NUP210L: variants seen among roughly 807,000 people sequenced by gnomAD.
NUP210L encodes the protein nucleoporin 210 like.
In NUP210L, 74 loss-of-function variants were observed where a neutral mutation model predicts 208.5. The observed-to-expected ratio is 0.35, with a 90% CI of 0.29 to 0.43. The LOEUF (loss-of-function observed/expected upper bound fraction) is 0.43. Among genes scored for constraint, NUP210L ranks in the 20% least tolerant of loss-of-function variants. NUP210L has a pLI of 1.00. For missense variants in NUP210L, 1,843 were observed against 2,289.4 expected (o/e 0.81, Z 3.98); for synonymous variants, 780 against 816.9 (o/e 0.95, Z 0.77).
At chr1:154,022,884 C>T (rs1325866629) in intron 31 of NUP210L, among the ~76,000 whole-genome samples, 1 of 151,486 alleles carries the variant, frequency 6.6e-6, no homozygotes, top group African/African-American at 2.4e-5. Context: ...ACCATGTTGT[C>T]CAGGCTGGTC....
chr1:154,120,299 A>G (rs991586362), intron 10 of NUP210L, among the ~76,000 whole-genome samples: 3 of 152,100 alleles, frequency 2.0e-5, no homozygotes, highest in African/African-American at 4.8e-5. Context: ...ATGCAGCCAT[A>G]AAAAAGGGTG....
At chr1:154,018,953 C>T in exon 33 of NUP210L, 1 of 1,614,130 alleles carries the variant, frequency 6.2e-7, no homozygotes, top group East Asian at 2.2e-5. Flanking sequence ...GTTTTCACTA[C>T]TCCTGGGATG....
intron 23 of NUP210L, among the ~76,000 whole-genome samples, chr1:154,055,193 C>CTTTCTT (rs1653795860): frequency 4.7e-5 from 5 of 105,914 alleles, no homozygotes; most frequent in Admixed American, 3.4e-4. Context: ...CTTTCTTTTT[C>CTTTCTT]TTTCTTTCTT....
intron 35 of NUP210L, among the ~76,000 whole-genome samples, chr1:154,007,093 G>A (rs970840386): frequency 2.0e-4 from 30 of 148,258 alleles, no homozygotes; most frequent in African/African-American, 7.2e-4. Context: ...CTCCCAAATA[G>A]CTGGGATTAC....
intron 32 of NUP210L, among the ~76,000 whole-genome samples, 175 bp downstream of exon 32, chr1:154,021,951 T>C (rs1408093530): frequency 6.6e-6 from 1 of 152,222 alleles, no homozygotes; most frequent in Non-Finnish European, 1.5e-5. Context: ...TTAATTGCTT[T>C]CTTGAACTTC....
At chr1:154,065,326 AG>A (rs1489170000) in intron 17 of NUP210L, among the ~76,000 whole-genome samples, 1 of 151,804 alleles carries the variant, frequency 6.6e-6, no homozygotes, top group Non-Finnish European at 1.5e-5. Flanking sequence ...CGGCTGAGGC[AG>A]GAGGATCACT....
chr1:154,054,137 G>T, intron 25 of NUP210L, 91 bp downstream of exon 25: 2 of 1,347,330 alleles, frequency 1.5e-6, no homozygotes, highest in Non-Finnish European at 2.1e-6. Flanking sequence ...CTGGGCTGCT[G>T]ACACCCTCCT....
chr1:154,023,271 C>T (rs1359252250), exon 31 of NUP210L: 3 of 1,611,340 alleles, frequency 1.9e-6, no homozygotes, highest in Non-Finnish European at 2.5e-6. Flanking sequence ...GTTGGCTGCT[C>T]ACTCGCAGGT....
intron 25 of NUP210L, among the ~76,000 whole-genome samples, chr1:154,049,545 G>A (rs1653373176): frequency 6.6e-6 from 1 of 152,162 alleles, no homozygotes; most frequent in Non-Finnish European, 1.5e-5. Flanking sequence ...ATAGAACAAT[G>A]GCCGTTAAGT....
At position 154,119,419 on chromosome 1, in the gene NUP210L, C is replaced by G. The variant is rs145919730; in HGVS notation, c.1327-611G>C. On this transcript the variant is annotated intron_variant, in intron 10 of 39. Transcript: ENST00000368559. ...CCTGGCCAACATGGTGAAACCCCAT[C>G]TCTACTAAAAATACAAAAAATCAGC... Among the ~76,000 whole-genome samples the G allele has an allele frequency of 7.5e-4, 114 of 152,134 alleles. 1 individual carries two copies. The highest frequency in any genetic ancestry group is 2.6e-3 in the African/African-American group (110 of 41,530).
rs558343293 is a variant in NUP210L at position 154,095,252 on chromosome 1, G to A, written c.1966-96C>T. The A allele has an allele frequency of 2.5e-5, 23 of 908,924 alleles. No individual in the cohort carries two copies. In the African/African-American group the frequency reaches 2.8e-4, roughly 11 times the overall value. The allele number at this position is 908,924 out of a possible 1,614,324, so 56.3% of individuals were successfully genotyped here. ...GTTATCTGAATATGCTGCAAATGAC[G>A]TTAAACTTAATTCCCAAATTAAGAG... On this transcript the variant is annotated intron_variant, in intron 14 of 39. Coordinates refer to ENST00000368559, the Ensembl canonical transcript of NUP210L.
At chr1:154,010,328 C>A (rs1213392492) in intron 34 of NUP210L, among the ~76,000 whole-genome samples, 1 of 152,104 alleles carries the variant, frequency 6.6e-6, no homozygotes, top group East Asian at 1.9e-4. Context: ...TACAGTGGGG[C>A]TTCCATTATC....
chr1:154,043,628 C>CT (rs898755429), intron 27 of NUP210L, among the ~76,000 whole-genome samples: 32,442 of 131,902 alleles, frequency 0.25, 4,517 homozygotes, highest in Admixed American at 0.32. Context: ...TGCACCCGGC[C>CT]TTTTTTTTTT....
At chr1:154,115,089 T>C (rs1657252827) in intron 12 of NUP210L, among the ~76,000 whole-genome samples, 1 of 152,208 alleles carries the variant, frequency 6.6e-6, no homozygotes, top group Non-Finnish European at 1.5e-5. Context: ...AGTTTTTGCC[T>C]TCACTTTCTC....
At chr1:154,103,435 G>A (rs534021218) in intron 13 of NUP210L, among the ~76,000 whole-genome samples, 109 of 151,204 alleles carry the variant, frequency 7.2e-4, no homozygotes, top group African/African-American at 2.0e-3. Flanking sequence ...CACTTTGGGA[G>A]GCCGAGGCGG....
At chr1:154,108,752 T>G (rs770784768) in intron 12 of NUP210L, among the ~76,000 whole-genome samples, 1 of 151,548 alleles carries the variant, frequency 6.6e-6, no homozygotes, top group African/African-American at 2.4e-5. Context: ...AATAATAACA[T>G]TGAATTTAAA....
At chr1:154,005,770 C>G (rs1311375245) in intron 35 of NUP210L, among the ~76,000 whole-genome samples, 1 of 150,344 alleles carries the variant, frequency 6.7e-6, no homozygotes, top group Non-Finnish European at 1.5e-5. Flanking sequence ...GTTGCCCAGG[C>G]TGGAGTGCAA....
Position 154,122,166 on chromosome 1 carries a change from G to A in NUP210L, c.1327-3358C>T, listed in dbSNP as rs576532896. 1.5e-3 allele frequency among the ~76,000 whole-genome samples: 230 copies of A among 152,230 alleles called. 1 individual carries two copies. The highest frequency in any genetic ancestry group is 5.3e-3 in the African/African-American group (219 of 41,528). ...AACAATATTTTGAACAACTTTATGTGATAAATTCAACCACTTAGATAAAAT... is the reference window on the plus strand; with the variant it reads ...AACAATATTTTGAACAACTTTATGTAATAAATTCAACCACTTAGATAAAAT... On this transcript the variant is annotated intron_variant, in intron 10 of 39. Coordinates refer to ENST00000368559, the Ensembl canonical transcript of NUP210L.
At chr1:154,145,718 A>C (rs1217687711) in intron 2 of NUP210L, among the ~76,000 whole-genome samples, 1 of 152,228 alleles carries the variant, frequency 6.6e-6, no homozygotes, top group African/African-American at 2.4e-5. Context: ...CCTAAGGTGC[A>C]AGATTAGAAT....
Sources: gnomAD v4.1 joint callset for allele counts (sites outside exome capture counted in the v4.1 genomes callset) on GRCh38, gnomAD v4.1.1 for gene constraint, MANE v1.5 for transcripts, NCBI Gene and HGNC (gene_info 2026-07-23, HGNC 2026-07-21) for gene names.